The following LAMP3 variants were observed in gnomAD, a reference collection of about 807,000 sequenced individuals.
LAMP3 encodes the protein lysosome-associated membrane glycoprotein 3.
LAMP3 carries 26 observed loss-of-function variants against 34.8 expected under a neutral mutation model. That is an observed-to-expected ratio of 0.75 (90% CI 0.55 to 1.04). The LOEUF is 1.04. LAMP3 is among the 50% of genes least tolerant of loss of function. LAMP3 has a pLI of 0.00. For synonymous variants in LAMP3, 180 were observed against 201.9 expected, an observed-to-expected ratio of 0.89 and a Z score of 0.92; for missense variants, 495 against 524.0, an observed-to-expected ratio of 0.94 and a Z score of 0.54.
intron 5 of LAMP3, 33 bp downstream of exon 5, chr3:183,135,684 G>C: frequency 1.9e-6 from 3 of 1,603,530 alleles, no homozygotes; most frequent in Non-Finnish European, 2.6e-6. Context: ...TCTCTAAAGT[G>C]TATGTTTGCA....
At chr3:183,125,697 G>T (rs1390185445) in intron 5 of LAMP3, among the ~76,000 whole-genome samples, 1 of 152,172 alleles carries the variant, frequency 6.6e-6, no homozygotes, top group Non-Finnish European at 1.5e-5. Flanking sequence ...GAGAAATGTT[G>T]CTTTCCATGA....
At chr3:183,132,281 T>C (rs752436974) in intron 5 of LAMP3, 2 of 936,150 alleles carry the variant, frequency 2.1e-6, no homozygotes, top group Admixed American at 6.2e-5. Flanking sequence ...GAGTAGGATA[T>C]GTTTTTTTAA....
At chr3:183,153,342 G>A (rs114318380) in intron 2 of LAMP3, among the ~76,000 whole-genome samples, 11,087 of 152,136 alleles carry the variant, frequency 0.073, 458 homozygotes, top group East Asian at 0.16. Context: ...TCATTTCACG[G>A]GAAAGGATAT....
chr3:183,161,194 G>C (rs1720965767), intron 1 of LAMP3, among the ~76,000 whole-genome samples: 1 of 152,164 alleles, frequency 6.6e-6, no homozygotes, highest in Non-Finnish European at 1.5e-5. Flanking sequence ...AGGCCTCCCT[G>C]CTGGGAAGGG....
chr3:183,131,148 C>T (rs886891950), intron 5 of LAMP3, among the ~76,000 whole-genome samples: 1 of 152,198 alleles, frequency 6.6e-6, no homozygotes, highest in Non-Finnish European at 1.5e-5. Context: ...GGAGTCCAAG[C>T]AGTGGCCATC....
intron 4 of LAMP3, among the ~76,000 whole-genome samples, chr3:183,136,726 G>A (rs1021149774): frequency 2.8e-4 from 42 of 151,362 alleles, no homozygotes; most frequent in African/African-American, 9.2e-4. Flanking sequence ...GAAGGGAGAA[G>A]CCCATCTCTT....
At chr3:183,162,860 G>A (rs1165836183), upstream of LAMP3, 15 of 532,346 alleles carry the variant, frequency 2.8e-5, no homozygotes, top group Non-Finnish European at 4.8e-5. Flanking sequence ...CGGGGACTCG[G>A]CGCAGCCGCC....
At chr3:183,162,256 C>T (rs142271351) in intron 1 of LAMP3, among the ~76,000 whole-genome samples, 1 of 152,088 alleles carries the variant, frequency 6.6e-6, no homozygotes, top group Non-Finnish European at 1.5e-5. Flanking sequence ...CAGACCACAT[C>T]TGATGCAAGG....
chr3:183,152,581 T>G (rs1253171378), intron 2 of LAMP3, 78 bp from the exon 3 acceptor site: 1 of 1,343,182 alleles, frequency 7.4e-7, no homozygotes. Context: ...ACAGGCTAGT[T>G]TGTGAGCCTG....
chr3:183,149,356 G>A (rs7427317), intron 3 of LAMP3, among the ~76,000 whole-genome samples: 99,044 of 151,008 alleles, frequency 0.66, 33,058 homozygotes, highest in Admixed American at 0.72. Context: ...CCTGGCCAAC[G>A]TGGTGAGACC....
intron 1 of LAMP3, among the ~76,000 whole-genome samples, chr3:183,157,317 C>T (rs1343467281): frequency 6.6e-6 from 1 of 152,108 alleles, no homozygotes; most frequent in African/African-American, 2.4e-5. Context: ...TATAGGTTTA[C>T]CTACAAACTT....
At chr3:183,156,906 G>A (rs1162024423) in intron 1 of LAMP3, among the ~76,000 whole-genome samples, 1 of 152,094 alleles carries the variant, frequency 6.6e-6, no homozygotes, top group Non-Finnish European at 1.5e-5. Context: ...GTGGAGGTGG[G>A]GTGTCGCTGG....
rs772676941 is a variant in LAMP3, at chr3:183,154,266, C to A, written c.175G>T (p.Ala59Ser). ...CTTGCTGCTAAAGTTTGGTGAGGTGCTTGCTTAGCTGGTTGCTGGACAGGT... is the reference window on the plus strand; with the variant it reads ...CTTGCTGCTAAAGTTTGGTGAGGTGATTGCTTAGCTGGTTGCTGGACAGGT... ...KKPVQQPAKQ[A>S]PHQTLAARFM... Residue 59 changes from alanine to serine, a missense_variant, in exon 2 of 6, where the codon GCA becomes TCA. Ala to Ser is a moderately conservative substitution (Grantham distance 99). Transcript: ENST00000265598. The A allele has an allele frequency of 1.9e-6, 3 of 1,613,976 alleles. No homozygotes were observed. The highest frequency in any genetic ancestry group is 1.6e-4 in the Middle Eastern group (1 of 6,084).
At position 183,152,499 on chromosome 3, in the gene LAMP3, A is replaced by G; in HGVS notation, c.764T>C (p.Phe255Ser). The G allele has an allele frequency of 6.2e-7, 1 of 1,609,422 alleles. No homozygotes were observed. Among genetic ancestry groups the G allele is most frequent in the Non-Finnish European group, 8.5e-7 (1 of 1,178,410 alleles). Residue 255 changes from phenylalanine (F) to serine (S), a missense_variant, in exon 3 of 6, where the codon TTT becomes TCT. Coordinates refer to ENST00000265598, the MANE Select transcript of LAMP3 (RefSeq NM_014398.4). ...QLIVQDKESV[F>S]SPRRYFNIDP... Reference sequence around the variant, plus strand: ...GATGTTGAAGTATCTCCGAGGTGAAAAAACCTAAATCAAGTTAGATAGATC... The same window carrying G: ...GATGTTGAAGTATCTCCGAGGTGAAGAAACCTAAATCAAGTTAGATAGATC...
Position 183,153,887 on chromosome 3 carries a change from G to A in LAMP3, c.554C>T (p.Pro185Leu), listed in dbSNP as rs1369119763. 6.2e-7 allele frequency: 1 copy of A among 1,614,016 alleles called. No individual in the cohort carries two copies. The highest frequency in any genetic ancestry group is 2.2e-5 in the East Asian group (1 of 44,902). The change falls in exon 2 of 6, where the codon CCT becomes CTT. Residue 185 changes from proline (P) to leucine (L), a missense_variant. Pro to Leu is a moderately conservative substitution (Grantham distance 98, BLOSUM62 -3). Transcript: ENST00000265598. ...ALHKSTTGQK[P>L]VQPTHAPGTT... Reference sequence around the variant, plus strand: ...TCCTGGGGCATGGGTGGGTTGAACAGGCTTCTGACCGGTTGTGCTTTTGTG... The same window carrying A: ...TCCTGGGGCATGGGTGGGTTGAACAAGCTTCTGACCGGTTGTGCTTTTGTG...
intron 3 of LAMP3, among the ~76,000 whole-genome samples, chr3:183,151,808 C>T (rs544407742): frequency 3.5e-4 from 54 of 152,272 alleles, no homozygotes; most frequent in African/African-American, 1.2e-3. Context: ...GTTAAGTTGC[C>T]TGCCCAGTGT....
At chr3:183,162,023 G>A in intron 1 of LAMP3, 1 of 981,480 alleles carries the variant, frequency 1.0e-6, no homozygotes, top group Non-Finnish European at 1.2e-6. Context: ...GTTCTCTCAT[G>A]ACGTTCGAGT....
intron 5 of LAMP3, chr3:183,133,020 C>T: frequency 1.3e-6 from 1 of 764,820 alleles, no homozygotes; most frequent in Non-Finnish European, 1.6e-6. Flanking sequence ...AGTGGCACTG[C>T]CACATCTGCC....
chr3:183,151,935 C>A (rs1321250291), intron 3 of LAMP3, among the ~76,000 whole-genome samples: 1 of 152,184 alleles, frequency 6.6e-6, no homozygotes, highest in African/African-American at 2.4e-5. Flanking sequence ...GTCTGGGAAA[C>A]CCAGAGCCTG....
Sources: allele counts gnomAD v4.1 joint callset (sites outside exome capture counted in the v4.1 genomes callset), GRCh38; gene constraint gnomAD v4.1.1; transcripts MANE v1.5; gene names NCBI Gene and HGNC (gene_info 2026-07-23, HGNC 2026-07-21).